Variants in LAMA4 observed in about 807,000 individuals in gnomAD.
LAMA4 encodes laminin subunit alpha 4.
In LAMA4, 127 loss-of-function variants were observed where a neutral mutation model predicts 207.1. That is an observed-to-expected ratio of 0.61 (90% CI 0.53 to 0.71). The LOEUF is 0.71. Among genes scored for constraint, LAMA4 ranks in the 30% least tolerant of loss-of-function variants. The pLI, the probability that LAMA4 is intolerant of heterozygous loss-of-function variation, is 0.00. For synonymous variants in LAMA4, 761 were observed against 816.0 expected (o/e 0.93, Z 1.15); for missense variants, 2,093 against 2,246.5 (o/e 0.93, Z 1.38).
intron 3 of LAMA4, among the ~76,000 whole-genome samples, chr6:112,209,025 A>G (rs761684687): frequency 5.4e-4 from 82 of 152,342 alleles, no homozygotes; most frequent in South Asian, 1.7e-3. Context: ...AGGGAAAAGC[A>G]TGGATTAATG....
chr6:112,111,230 G>A (rs889587612), intron 38 of LAMA4, among the ~76,000 whole-genome samples: 1 of 152,100 alleles, frequency 6.6e-6, no homozygotes, highest in Non-Finnish European at 1.5e-5. Flanking sequence ...CTTTAATAGA[G>A]ATGGGGTTTT....
chr6:112,231,890 G>A (rs1042797596), intron 2 of LAMA4, among the ~76,000 whole-genome samples: 3 of 152,136 alleles, frequency 2.0e-5, no homozygotes, highest in Non-Finnish European at 2.9e-5. Context: ...TTTGTAACCC[G>A]TTCCAAACTT....
intron 3 of LAMA4, among the ~76,000 whole-genome samples, chr6:112,211,913 G>A (rs944222885): frequency 6.6e-6 from 1 of 152,196 alleles, no homozygotes; most frequent in Non-Finnish European, 1.5e-5. Flanking sequence ...ACAGAGTAGA[G>A]GAAGGAGAGT....
At chr6:112,188,938 T>C in intron 7 of LAMA4, 172 bp downstream of exon 7, 1 of 614,230 alleles carries the variant, frequency 1.6e-6, no homozygotes, top group Non-Finnish European at 2.9e-6. Context: ...GGGAATCAAG[T>C]GGACCACCAA....
intron 13 of LAMA4, among the ~76,000 whole-genome samples, chr6:112,160,475 T>C (rs1271007643): frequency 2.0e-5 from 3 of 152,136 alleles, no homozygotes; most frequent in Admixed American, 6.6e-5. Flanking sequence ...AAAAACCTTA[T>C]TCTTTCACTT....
At chr6:112,216,612 A>G (rs1251260722) in intron 2 of LAMA4, 143 bp from the exon 3 acceptor site, 2 of 682,344 alleles carry the variant, frequency 2.9e-6, no homozygotes, top group South Asian at 3.1e-5. Flanking sequence ...TACAAAACAT[A>G]CTAAAATAAA....
chr6:112,155,309 T>A (rs373229037), intron 15 of LAMA4: 2 of 568,670 alleles, frequency 3.5e-6, no homozygotes. Context: ...AATACATATT[T>A]TTTTTTTCAG....
At chr6:112,171,735 G>T (rs1261212777) in intron 12 of LAMA4, 4 of 152,958 alleles carry the variant, frequency 2.6e-5, no homozygotes, top group African/African-American at 9.7e-5. Flanking sequence ...TTGGCTAGGG[G>T]TTTGCTCCCA....
intron 25 of LAMA4, 77 bp from the exon 26 acceptor site, chr6:112,134,686 T>C: frequency 8.5e-7 from 1 of 1,177,950 alleles, no homozygotes; most frequent in South Asian, 1.3e-5. Flanking sequence ...TATATTTTAA[T>C]TCTCCTGGTA....
intron 30 of LAMA4, among the ~76,000 whole-genome samples, chr6:112,129,381 C>G (rs1258956125): frequency 2.6e-5 from 4 of 152,084 alleles, no homozygotes; most frequent in Non-Finnish European, 5.9e-5. Flanking sequence ...TAAATTCCTC[C>G]CTTGCTTGTT....
Position 112,133,447 on chromosome 6 carries a change from C to A in LAMA4, c.3598G>T (p.Gly1200Ter). The A allele has an allele frequency of 6.2e-7, 1 of 1,613,770 alleles. No homozygotes were observed. The highest frequency in any genetic ancestry group is 8.5e-7 in the Non-Finnish European group (1 of 1,179,760). ...AHLPLDINFR[G>*]CMKGFQFQKK... ...TGGAACTGGAAGCCCTTCATGCATCCTCTGAAGTTGATATCTAGGGGAAGG... is the reference window on the plus strand; with the variant it reads ...TGGAACTGGAAGCCCTTCATGCATCATCTGAAGTTGATATCTAGGGGAAGG... The change falls in exon 27 of 39, where the codon GGA (glycine) becomes TGA (stop). Residue 1200 changes from glycine (G) to a stop codon, truncating the protein, a stop_gained. Transcript: ENST00000230538. LOFTEE classifies it high-confidence loss of function.
intron 22 of LAMA4, 125 bp from the exon 23 acceptor site, chr6:112,140,010 A>G (rs1156237238): frequency 3.2e-6 from 3 of 934,786 alleles, no homozygotes. Flanking sequence ...ATCTTTCTAG[A>G]CCCGAGTGTG....
intron 13 of LAMA4, among the ~76,000 whole-genome samples, chr6:112,161,675 G>T (rs1210511488): frequency 6.6e-6 from 1 of 152,166 alleles, no homozygotes; most frequent in Non-Finnish European, 1.5e-5. Context: ...TAATTTCAGG[G>T]AGTAAAAGAT....
chr6:112,199,830 G>C (rs1427492131), intron 5 of LAMA4, among the ~76,000 whole-genome samples: 1 of 150,290 alleles, frequency 6.7e-6, no homozygotes, highest in Non-Finnish European at 1.5e-5. Flanking sequence ...TTCTTTGGAA[G>C]TGAGATTGCT....
At chr6:112,190,442 T>G (rs2114954601) in intron 6 of LAMA4, among the ~76,000 whole-genome samples, 1 of 152,338 alleles carries the variant, frequency 6.6e-6, no homozygotes, top group East Asian at 1.9e-4. Context: ...ACTCCTTGAA[T>G]CTTTTCAAGT....
Position 112,150,377 on chromosome 6 carries a change from G to T in LAMA4, c.2173+134C>A, listed in dbSNP as rs953977223. The T allele has an allele frequency of 1.4e-5, 11 of 772,864 alleles. No individual in the cohort carries two copies. The East Asian group carries it at 2.0e-4, about 14-fold the overall frequency. 47.9% of individuals were successfully genotyped at this position (772,864 alleles called of 1,614,324 possible). A position where few individuals can be genotyped will look rare whatever the true frequency, so the allele number is the denominator to read the frequency against. On this transcript the variant is annotated intron_variant, in intron 17 of 38. Transcript: ENST00000230538. ...TCTAGAACTTTTTTTTGTGATGAAC[G>T]TATTTTGTCATCAGAAAATAACATT... is the stretch of plus-strand genomic sequence containing the variant.
At chr6:112,178,443 G>T (rs544677018) in intron 9 of LAMA4, 4 of 551,608 alleles carry the variant, frequency 7.3e-6, no homozygotes, top group Non-Finnish European at 1.3e-5. Flanking sequence ...TAATTTTTCC[G>T]TAAGTTATTG....
Position 112,207,126 on chromosome 6 carries a change from G to T in LAMA4, c.317C>A (p.Thr106Lys), listed in dbSNP as rs1554354586. The change falls in exon 4 of 39, where the codon ACA becomes AAA. Residue 106 changes from threonine to lysine, a missense_variant. Thr to Lys is a moderately conservative substitution (Grantham distance 78). This residue lies in a region of LAMA4 where 1,704 missense variants were observed against 1,788.4 expected (regional missense o/e 0.95). Coordinates refer to ENST00000230538, the MANE Select transcript of LAMA4 (RefSeq NM_001105206.3). ...CAGACACTTTTCACAGTGCTCTCCT[G>T]TTGTGTTCCGCTGGCAGTGCTATGA... The part of the protein sequence containing the change: ...GYCVHCQRNT[T>K]GEHCEKCLDG... The T allele has an allele frequency of 6.2e-7, 1 of 1,613,976 alleles. No individual in the cohort carries two copies. Among genetic ancestry groups the T allele is most frequent in the East Asian group, 2.2e-5 (1 of 44,864 alleles).
chr6:112,243,609 T>C (rs1554188118), intron 2 of LAMA4, among the ~76,000 whole-genome samples: 1 of 152,134 alleles, frequency 6.6e-6, no homozygotes, highest in Non-Finnish European at 1.5e-5. Flanking sequence ...TACAGACTCA[T>C]AGTCTAGCTC....
Sources: gnomAD v4.1 joint callset for allele counts (sites outside exome capture counted in the v4.1 genomes callset) on GRCh38, gnomAD v4.1.1 for gene constraint, gnomAD v4.1.1 regional missense constraint, MANE v1.5 for transcripts, NCBI Gene and HGNC (gene_info 2026-07-23, HGNC 2026-07-21) for gene names.